The following SMAD1 variants were observed in gnomAD, a reference collection of about 807,000 sequenced individuals.
SMAD1 encodes the protein SMAD family member 1.
A neutral mutation model predicts 41.6 loss-of-function variants in SMAD1; 6 were observed. The ratio of observed to expected loss-of-function variants is 0.14; its 90% CI spans 0.08 to 0.28. The LOEUF (loss-of-function observed/expected upper bound fraction) is 0.28. Among genes scored for constraint, SMAD1 ranks in the 10% least tolerant of loss-of-function variants. The pLI, the probability that SMAD1 is intolerant of heterozygous loss-of-function variation, is 1.00. For missense variants in SMAD1, 379 were observed against 582.6 expected (o/e 0.65, Z 3.60); for synonymous variants, 206 against 203.2 (o/e 1.01, Z -0.12).
intron 1 of SMAD1, among the ~76,000 whole-genome samples, chr4:145,503,630 A>G (rs149107787): frequency 2.0e-5 from 3 of 152,320 alleles, no homozygotes; most frequent in African/African-American, 7.2e-5. Flanking sequence ...TTCCTCCTCC[A>G]ATACAAATAC....
chr4:145,527,428 T>C (rs1731082017), intron 2 of SMAD1, among the ~76,000 whole-genome samples: 1 of 152,074 alleles, frequency 6.6e-6, no homozygotes, highest in Admixed American at 6.6e-5. Context: ...TTTCACCGTT[T>C]TAGCCGGGAT....
rs188770768 is a variant in SMAD1 at position 145,498,829 on chromosome 4, C to T, written c.-176-15609C>T. 4.6e-5 allele frequency among the ~76,000 whole-genome samples: 7 copies of T among 152,232 alleles called. No homozygotes were observed. In the East Asian group the frequency reaches 1.3e-3, roughly 29 times the overall value. On this transcript the variant is annotated intron_variant, in intron 1 of 6. Transcript: ENST00000302085. ...ATTTTATTAACAGTTACATCATAGT[C>T]GAATGTATCATAATTTATTTAATCA... is the stretch of plus-strand genomic sequence containing the variant.
intron 2 of SMAD1, among the ~76,000 whole-genome samples, chr4:145,526,113 CTTATGTGGTCG>C (rs1399887685): frequency 6.6e-6 from 1 of 152,198 alleles, no homozygotes; most frequent in Non-Finnish European, 1.5e-5. Context: ...CGTGGTCTGG[CTTATGTGGTCG>C]CACATCACCT....
At chr4:145,527,042 C>T (rs908832637) in intron 2 of SMAD1, among the ~76,000 whole-genome samples, 6 of 152,232 alleles carry the variant, frequency 3.9e-5, no homozygotes, top group East Asian at 3.9e-4. Context: ...AGGAACATCA[C>T]TTCTGTGTAT....
rs1732940158 is a variant in SMAD1, at chr4:145,557,966, T to C, written c.*32T>C. 6 of 1,562,104 alleles carry C rather than the reference T, an allele frequency of 3.8e-6. No individual in the cohort carries two copies. Among genetic ancestry groups the C allele is most frequent in the Admixed American group, 3.4e-5 (2 of 58,208 alleles). On this transcript the variant is annotated 3_prime_UTR_variant, in exon 7 of 7. Transcript: ENST00000302085. ...CCAGGCATCTGCCTCTGGAAAACTA[T>C]TGAGCCTTGCATGTACTTGAAGGAT...
At chr4:145,531,359 G>A (rs781244481) in intron 2 of SMAD1, among the ~76,000 whole-genome samples, 1 of 152,180 alleles carries the variant, frequency 6.6e-6, no homozygotes, top group Non-Finnish European at 1.5e-5. Flanking sequence ...TCTGTCTCGT[G>A]TAGGCATCAT....
At chr4:145,485,051 G>A (rs767246813) in intron 1 of SMAD1, among the ~76,000 whole-genome samples, 8 of 152,062 alleles carry the variant, frequency 5.3e-5, no homozygotes, top group African/African-American at 1.4e-4. Flanking sequence ...ATAGTCACAC[G>A]TAGCTTTTTT....
rs1465387083 is a variant in SMAD1 at position 145,482,062 on chromosome 4, G to T, written c.-177+24G>T. ...CGGTAAAACGAAACAGACCCGAACC[G>T]AACTTTCCCTTCATGCCGCGTCCCA... On this transcript the variant is annotated intron_variant, in intron 1 of 6. Coordinates refer to ENST00000302085, the MANE Select transcript of SMAD1 (RefSeq NM_005900.3). The surrounding 1 kb of genome is among the most constrained non-coding windows in gnomAD (Gnocchi z 4.2). 1 of 152,062 alleles carries T rather than the reference G, an allele frequency of 6.6e-6. No individual in the cohort carries two copies. The highest frequency in any genetic ancestry group is 1.9e-4 in the East Asian group (1 of 5,146). The allele number at this position is 152,062 out of a possible 1,614,324, so 9.4% of individuals were successfully genotyped here. A position where few individuals can be genotyped will look rare whatever the true frequency, so the allele number is the denominator to read the frequency against.
At chr4:145,540,203 A>G in intron 3 of SMAD1, 142 bp downstream of exon 3, 1 of 902,726 alleles carries the variant, frequency 1.1e-6, no homozygotes, top group Non-Finnish European at 1.7e-6. Flanking sequence ...TTTAGGATAC[A>G]ACTTTTGGTG....
Position 145,553,086 on chromosome 4 carries a change from T to C in SMAD1, c.998-698T>C, listed in dbSNP as rs149462854. ...GCCTGGCTAATTTTTTGTATTTTTT[T>C]TTTTTTTTGTGGAGATGGGGTTTCA... On this transcript the variant is annotated intron_variant, in intron 5 of 6. Coordinates refer to ENST00000302085, the MANE Select transcript of SMAD1 (RefSeq NM_005900.3). 2.6e-4 allele frequency among the ~76,000 whole-genome samples: 40 copies of C among 151,032 alleles called. No individual in the cohort carries two copies. In the East Asian group the frequency reaches 7.4e-3, roughly 28 times the overall value.
intron 4 of SMAD1, among the ~76,000 whole-genome samples, chr4:145,543,181 G>A (rs759721263): frequency 2.8e-4 from 42 of 152,120 alleles, no homozygotes; most frequent in Admixed American, 2.6e-3. Flanking sequence ...TGGCCAGGCT[G>A]GTCACGAATT....
chr4:145,545,509 G>A (rs1732194594), intron 4 of SMAD1: 1 of 151,392 alleles, frequency 6.6e-6, no homozygotes, highest in Non-Finnish European at 1.5e-5. Context: ...TATGTAAAGC[G>A]ACTAACTTAT....
At chr4:145,508,600 CTTATCCT>C (rs1184439508) in intron 1 of SMAD1, among the ~76,000 whole-genome samples, 1 of 152,142 alleles carries the variant, frequency 6.6e-6, no homozygotes, top group Non-Finnish European at 1.5e-5. Flanking sequence ...CAAAATTCTA[CTTATCCT>C]TTAAGTCTGA....
chr4:145,490,630 C>G (rs143037294), intron 1 of SMAD1, among the ~76,000 whole-genome samples: 1,740 of 152,274 alleles, frequency 0.011, 28 homozygotes, highest in African/African-American at 0.039. Context: ...CAAGCCCCAA[C>G]ACTTACTTGT....
intron 5 of SMAD1, 111 bp downstream of exon 5, chr4:145,547,035 T>C: frequency 1.2e-6 from 1 of 830,826 alleles, no homozygotes; most frequent in South Asian, 1.5e-5. Context: ...GACCAGGTAA[T>C]GTTCACTTGC....
chr4:145,529,844 T>G (rs993833491), intron 2 of SMAD1, among the ~76,000 whole-genome samples: 1 of 152,214 alleles, frequency 6.6e-6, no homozygotes. Context: ...TTTGTCTTCC[T>G]GTACCTAGGC....
intron 5 of SMAD1, 48 bp from the exon 6 acceptor site, chr4:145,553,736 G>T: frequency 6.4e-7 from 1 of 1,554,744 alleles, no homozygotes; most frequent in East Asian, 2.2e-5. Flanking sequence ...GTGCCTTTGA[G>T]CTGTAAAAAT....
intron 1 of SMAD1, among the ~76,000 whole-genome samples, chr4:145,487,226 T>G (rs1434406459): frequency 1.3e-5 from 2 of 152,112 alleles, no homozygotes. Flanking sequence ...TATACGAATC[T>G]CCTCTTGACT....
intron 2 of SMAD1, among the ~76,000 whole-genome samples, chr4:145,523,906 G>A (rs543891230): frequency 6.6e-6 from 1 of 152,100 alleles, no homozygotes; most frequent in East Asian, 1.9e-4. Context: ...TTTTGTTTTG[G>A]TTTGTTTTTT....
Sources: gnomAD v4.1 joint callset for allele counts (sites outside exome capture counted in the v4.1 genomes callset) on GRCh38, gnomAD v4.1.1 for gene constraint, Gnocchi (gnomAD v3.1) non-coding constraint, MANE v1.5 for transcripts, NCBI Gene and HGNC (gene_info 2026-07-23, HGNC 2026-07-21) for gene names.